The following FLNB variants were observed in gnomAD, a reference collection of about 807,000 sequenced individuals.
FLNB encodes filamin-B.
Under a neutral mutation model 250.6 loss-of-function variants are expected in FLNB, and 111 were observed. The observed-to-expected ratio is 0.44, with a 90% CI of 0.38 to 0.52. The LOEUF is 0.52. Among genes scored for constraint, FLNB ranks in the 20% least tolerant of loss-of-function variants. The pLI is 0.00. For synonymous variants in FLNB, 1,302 were observed against 1,372.1 expected (o/e 0.95, Z 1.13); for missense variants, 2,869 against 3,447.8 (o/e 0.83, Z 4.20).
Position 58,135,971 on chromosome 3 carries a change from A to C in FLNB, c.4672-8A>C. The C allele has an allele frequency of 6.2e-7, 1 of 1,613,820 alleles. No homozygotes were observed. Among genetic ancestry groups the C allele is most frequent in the Non-Finnish European group, 8.5e-7 (1 of 1,179,780 alleles). Reference sequence around the variant, plus strand: ...ACATCCTAAATAGCATTTCTCTATGATCCACAGGACCAAGAAGGAAAACCC... The same window carrying C: ...ACATCCTAAATAGCATTTCTCTATGCTCCACAGGACCAAGAAGGAAAACCC... On this transcript the variant is annotated splice_region_variant and splice_polypyrimidine_tract_variant and intron_variant, in intron 27 of 45. Coordinates refer to ENST00000295956, the MANE Select transcript of FLNB (RefSeq NM_001457.4).
Position 58,159,625 on chromosome 3 carries a change from T to A in FLNB, c.6960T>A (p.Asp2320Glu). The change falls in exon 42 of 46, where the codon GAT (aspartate) becomes GAA (glutamate). Residue 2320 changes from aspartate to glutamate, a missense_variant. Asp to Glu is a conservative substitution (Grantham distance 45). Around this residue, in one of 5 missense-constraint regions of FLNB, gnomAD observed 1,084 missense variants for 1,315.5 expected, o/e 0.82. Coordinates refer to ENST00000295956, the MANE Select transcript of FLNB (RefSeq NM_001457.4). ...IRLNGAKGKIDAKVHSPSGAV... is the reference protein window; with the variant it reads ...IRLNGAKGKIEAKVHSPSGAV... ...TGAATGGCGCAAAAGGCAAGATTGATGCAAAGGTGCACAGCCCCTCTGGAG... is the reference window on the plus strand; with the variant it reads ...TGAATGGCGCAAAAGGCAAGATTGAAGCAAAGGTGCACAGCCCCTCTGGAG... The A allele has an allele frequency of 6.2e-7, 1 of 1,613,974 alleles. No individual in the cohort carries two copies. Among genetic ancestry groups the A allele is most frequent in the Admixed American group, 1.7e-5 (1 of 60,018 alleles).
At chr3:58,150,817 G>A (rs1237775256) in intron 38 of FLNB, 3 of 160,312 alleles carry the variant, frequency 1.9e-5, no homozygotes, top group East Asian at 3.6e-4. Flanking sequence ...AAATTTTGAG[G>A]CTCCTCTGCC....
chr3:58,123,158 T>C lies in FLNB; in HGVS notation c.3192T>C (p.Asp1064=), dbSNP rs2097291940. 6 of 1,614,026 alleles carry C rather than the reference T, an allele frequency of 3.7e-6. No homozygotes were observed. The highest frequency in any genetic ancestry group is 4.2e-6 in the Non-Finnish European group (5 of 1,180,022). The change falls in exon 21 of 46, where the codon GAT becomes GAC. Residue 1064 remains aspartate, a synonymous_variant. Transcript: ENST00000295956. ...LVGKPAEFTI[D]TKGAGTGGLG... is the part of the protein sequence containing the mutation. ...GCAAGCCTGCCGAGTTCACCATCGA[T>C]ACCAAAGGAGCTGGTACTGGAGGTC...
At chr3:58,077,378 A>C (rs1350004420) in intron 2 of FLNB, 84 bp downstream of exon 2, 4 of 1,513,084 alleles carry the variant, frequency 2.6e-6, no homozygotes, top group East Asian at 4.5e-5. Flanking sequence ...CGGGAATGCT[A>C]TCTTTGCTTT....
chr3:58,082,209 G>A lies in FLNB; in HGVS notation c.787+433G>A, dbSNP rs541085614. On this transcript the variant is annotated intron_variant, in intron 4 of 45. Coordinates refer to ENST00000295956, the MANE Select transcript of FLNB (RefSeq NM_001457.4). ...TGGGAGCTATTGTTAACCCCTGGCA[G>A]ATACTTCCTTGCTAAGACATCCTGT... 6.3e-4 allele frequency among the ~76,000 whole-genome samples: 96 copies of A among 152,314 alleles called. 1 individual carries two copies. In the South Asian group the frequency reaches 0.019, roughly 30 times the overall value.
chr3:58,016,933 C>G (rs1198756175), intron 1 of FLNB, among the ~76,000 whole-genome samples: 1 of 152,176 alleles, frequency 6.6e-6, no homozygotes, highest in African/African-American at 2.4e-5. Context: ...TGTTGTAAAT[C>G]TAGTTATTCA....
chr3:58,170,885 T>C lies in FLNB; in HGVS notation c.*123T>C. The C allele has an allele frequency of 1.2e-6, 1 of 851,660 alleles. No homozygotes were observed. Among genetic ancestry groups the C allele is most frequent in the Non-Finnish European group, 1.9e-6 (1 of 524,354 alleles). The allele number at this position is 851,660 out of a possible 1,614,324, so 52.8% of individuals were successfully genotyped here. On this transcript the variant is annotated 3_prime_UTR_variant, in exon 46 of 46. Transcript: ENST00000295956. ...TGAAACCCCATCCCTAAAATATTGC[T>C]GTTGTAAAATGCCTTCAGAAATAAG...
At chr3:58,084,239 T>C (rs1459466858) in intron 4 of FLNB, among the ~76,000 whole-genome samples, 1 of 150,906 alleles carries the variant, frequency 6.6e-6, no homozygotes, top group Non-Finnish European at 1.5e-5. Context: ...CCACAGGTGG[T>C]GGCTGGAATG....
At chr3:58,095,343 C>T (rs565762254) in intron 5 of FLNB, among the ~76,000 whole-genome samples, 37 of 152,078 alleles carry the variant, frequency 2.4e-4, no homozygotes, top group Non-Finnish European at 4.9e-4. Flanking sequence ...TGGGTTCAGG[C>T]GATTCTCCTG....
chr3:58,154,974 T>A, intron 40 of FLNB, 46 bp downstream of exon 40: 1 of 1,592,468 alleles, frequency 6.3e-7, no homozygotes, highest in Non-Finnish European at 8.6e-7. Flanking sequence ...TGTTTGAACA[T>A]GATTAGGTTG....
chr3:58,034,888 G>C (rs1576613814), intron 1 of FLNB, among the ~76,000 whole-genome samples: 2 of 152,278 alleles, frequency 1.3e-5, no homozygotes, highest in Admixed American at 1.3e-4. Flanking sequence ...CCTGATCCCA[G>C]CAGTCCCAGG....
chr3:58,116,209 G>A (rs530984712), intron 18 of FLNB, among the ~76,000 whole-genome samples: 1 of 152,208 alleles, frequency 6.6e-6, no homozygotes, highest in African/African-American at 2.4e-5. Flanking sequence ...CTAAGGAAGT[G>A]TGCCCTTGGA....
chr3:58,046,842 C>T (rs1047603973), intron 1 of FLNB, among the ~76,000 whole-genome samples: 21 of 152,330 alleles, frequency 1.4e-4, no homozygotes, highest in Middle Eastern at 3.4e-3. Flanking sequence ...TACTCTGTCT[C>T]TATGGATCTG....
chr3:58,024,861 C>T (rs1158687200), intron 1 of FLNB, among the ~76,000 whole-genome samples: 3 of 151,128 alleles, frequency 2.0e-5, no homozygotes, highest in South Asian at 2.1e-4. Context: ...CTACAGGTGC[C>T]GCCACTATGC....
At position 58,077,173 on chromosome 3, in the gene FLNB, G is replaced by A. The variant is rs192491895; in HGVS notation, c.420G>A (p.Thr140=). Residue 140 remains threonine, a synonymous_variant, in exon 2 of 46, where the codon ACG becomes ACA. Coordinates refer to ENST00000295956, the MANE Select transcript of FLNB (RefSeq NM_001457.4). ...GGGATGATGATGCCAAGAAGCAGAC[G>A]CCAAAGCAGAGGCTGCTGGGGTGGA... ...DEGDDDAKKQ[T]PKQRLLGWIQ... 4.3e-4 allele frequency: 696 copies of A among 1,614,088 alleles called. 1 individual carries two copies. The highest frequency in any genetic ancestry group is 2.6e-3 in the East Asian group (118 of 44,854).
At chr3:58,019,229 T>C (rs758008586) in intron 1 of FLNB, among the ~76,000 whole-genome samples, 1 of 152,200 alleles carries the variant, frequency 6.6e-6, no homozygotes. Context: ...AGCTTAACGA[T>C]GGATGGCCAA....
chr3:58,108,150 A>G (rs1474833636), intron 12 of FLNB, among the ~76,000 whole-genome samples: 2 of 152,268 alleles, frequency 1.3e-5, no homozygotes, highest in Non-Finnish European at 2.9e-5. Context: ...AAAAAATTTT[A>G]TAACATTTTA....
At position 58,104,043 on chromosome 3, in the gene FLNB, A is replaced by G. The variant is rs768105116; in HGVS notation, c.1568A>G (p.Tyr523Cys). The G allele has an allele frequency of 6.2e-7, 1 of 1,614,006 alleles. No homozygotes were observed. The highest frequency in any genetic ancestry group is 1.7e-5 in the Admixed American group (1 of 60,010). ...TATTACCCCAGCACCCCGGGGAGAT[A>G]CAGCATTGCCATCACATGGGGGGGA... ...FEYYPSTPGRYSIAITWGGHH... is the reference protein window; with the variant it reads ...FEYYPSTPGRCSIAITWGGHH... The change falls in exon 10 of 46, where the codon TAC (tyrosine) becomes TGC (cysteine). Residue 523 changes from tyrosine (Y) to cysteine (C), a missense_variant. Around this residue, in one of 5 missense-constraint regions of FLNB, gnomAD observed 1,348 missense variants for 1,466.7 expected, o/e 0.92. Coordinates refer to ENST00000295956, the MANE Select transcript of FLNB (RefSeq NM_001457.4).
chr3:58,031,149 G>C (rs569109165), intron 1 of FLNB, among the ~76,000 whole-genome samples: 103 of 152,176 alleles, frequency 6.8e-4, no homozygotes, highest in African/African-American at 2.4e-3. Context: ...ACTCTTTGTA[G>C]TGTTTTATTT....
Sources: gnomAD v4.1 joint callset for allele counts (sites outside exome capture counted in the v4.1 genomes callset) on GRCh38, gnomAD v4.1.1 for gene constraint, gnomAD v4.1.1 regional missense constraint, MANE v1.5 for transcripts, NCBI Gene and HGNC (gene_info 2026-07-23, HGNC 2026-07-21) for gene names.